PTPRZ1: variants seen among roughly 807,000 people sequenced by gnomAD.
The protein encoded by PTPRZ1 is protein tyrosine phosphatase receptor type Z1.
A neutral mutation model predicts 214.1 loss-of-function variants in PTPRZ1; 82 were observed. That is an observed-to-expected ratio of 0.38 (90% CI 0.32 to 0.46). PTPRZ1 has a LOEUF of 0.46. PTPRZ1 is among the 20% of genes least tolerant of loss of function. The pLI, the probability that PTPRZ1 is intolerant of heterozygous loss-of-function variation, is 1.00. For synonymous variants in PTPRZ1, 945 were observed against 987.9 expected, an observed-to-expected ratio of 0.96 and a Z score of 0.81; for missense variants, 2,603 against 2,748.7, an observed-to-expected ratio of 0.95 and a Z score of 1.19.
At position 121,998,511 on chromosome 7, in the gene PTPRZ1, T is replaced by C. The variant is rs1157671695; in HGVS notation, c.1240+505T>C. ...TTTGGTTATGGGGAGTGGGGTGTTTTCCTCTTGGTTGATTGCCCTTACTCT... is the reference window on the plus strand; with the variant it reads ...TTTGGTTATGGGGAGTGGGGTGTTTCCCTCTTGGTTGATTGCCCTTACTCT... On this transcript the variant is annotated intron_variant, in intron 10 of 29. Coordinates refer to ENST00000393386, the MANE Select transcript of PTPRZ1 (RefSeq NM_002851.3). Among the ~76,000 whole-genome samples, 3 of 152,256 alleles carry C rather than the reference T, an allele frequency of 2.0e-5. No homozygotes were observed. The East Asian group carries it at 5.8e-4, about 29-fold the overall frequency.
At chr7:121,939,404 A>G (rs1414342347) in intron 2 of PTPRZ1, among the ~76,000 whole-genome samples, 1 of 152,242 alleles carries the variant, frequency 6.6e-6, no homozygotes, top group Non-Finnish European at 1.5e-5. Context: ...TGTAGTTTCC[A>G]TTCTTTCATA....
Position 122,027,035 on chromosome 7 carries a change from ACAT to A in PTPRZ1, c.4989-1516_4989-1514del, listed in dbSNP as rs534795756. Among the ~76,000 whole-genome samples, 48 of 152,346 alleles carry A rather than the reference ACAT, an allele frequency of 3.2e-4. 1 individual carries two copies. The highest frequency in any genetic ancestry group is 1.1e-3 in the African/African-American group (46 of 41,588). ...TTATAAACATATAAAACAAATAAAA[ACAT>A]AATAGTATTTCAAATAGTGATGTGC... On this transcript the variant is annotated intron_variant, in intron 13 of 29. Coordinates refer to ENST00000393386, the MANE Select transcript of PTPRZ1 (RefSeq NM_002851.3).
At chr7:121,923,693 A>C (rs956063110) in intron 1 of PTPRZ1, among the ~76,000 whole-genome samples, 2 of 83,338 alleles carry the variant, frequency 2.4e-5, no homozygotes, top group African/African-American at 2.2e-4. Context: ...CCTGATTTTA[A>C]CTTGGTGGGG....
chr7:122,024,704 A>T (rs781337383), intron 13 of PTPRZ1, among the ~76,000 whole-genome samples: 33 of 152,152 alleles, frequency 2.2e-4, no homozygotes, highest in Non-Finnish European at 3.7e-4. Flanking sequence ...ACCAACAAAG[A>T]TTTGATTACA....
intron 23 of PTPRZ1, among the ~76,000 whole-genome samples, chr7:122,051,019 T>C (rs1185631846): frequency 6.6e-6 from 1 of 152,122 alleles, no homozygotes; most frequent in African/African-American, 2.4e-5. Context: ...ATTATTCATG[T>C]AATGGAGTAG....
intron 14 of PTPRZ1, among the ~76,000 whole-genome samples, chr7:122,031,156 G>A (rs1799358374): frequency 6.6e-6 from 1 of 152,010 alleles, no homozygotes; most frequent in Non-Finnish European, 1.5e-5. Context: ...GTTAAAGAAA[G>A]TTGTCCATCA....
At chr7:122,031,663 A>T in intron 15 of PTPRZ1, 104 bp downstream of exon 15, 1 of 712,904 alleles carries the variant, frequency 1.4e-6, no homozygotes, top group Non-Finnish European at 2.3e-6. Context: ...AACCATTTGC[A>T]CTTCTAGTAA....
At chr7:121,918,342 C>T (rs1245271435) in intron 1 of PTPRZ1, among the ~76,000 whole-genome samples, 11 of 152,296 alleles carry the variant, frequency 7.2e-5, no homozygotes, top group Non-Finnish European at 2.9e-5. Context: ...GGTTTACCCA[C>T]AAAATGCAGA....
At chr7:121,910,943 A>T (rs1206484) in intron 1 of PTPRZ1, among the ~76,000 whole-genome samples, 3,150 of 152,274 alleles carry the variant, frequency 0.021, 74 homozygotes, top group African/African-American at 0.051. Context: ...TGGAAAATAA[A>T]GTTAAATTAT....
intron 6 of PTPRZ1, among the ~76,000 whole-genome samples, chr7:121,979,232 C>A (rs773480537): frequency 1.3e-5 from 2 of 152,036 alleles, no homozygotes; most frequent in Admixed American, 1.3e-4. Flanking sequence ...TCCACCATAC[C>A]TACTCTATGT....
At position 122,012,463 on chromosome 7, in the gene PTPRZ1, G is replaced by T; in HGVS notation, c.3417G>T (p.Ser1139=). The change falls in exon 12 of 30, where the codon TCG becomes TCT. Residue 1139 remains serine, a synonymous_variant. Coordinates refer to ENST00000393386, the MANE Select transcript of PTPRZ1 (RefSeq NM_002851.3). ...HTVSQASGDT[S]LKPVLSANSE... is the part of the protein sequence containing the mutation. ...TCTCTCAAGCATCTGGTGACACTTC[G>T]CTTAAACCTGTGCTTAGTGCAAACT... is the stretch of plus-strand genomic sequence containing the variant. 6.2e-7 allele frequency: 1 copy of T among 1,613,610 alleles called. No individual in the cohort carries two copies. Among genetic ancestry groups the T allele is most frequent in the Non-Finnish European group, 8.5e-7 (1 of 1,179,696 alleles).
chr7:122,006,298 A>G (rs1798483664), intron 11 of PTPRZ1, among the ~76,000 whole-genome samples: 1 of 152,062 alleles, frequency 6.6e-6, no homozygotes. Context: ...TATTATTGCT[A>G]ACTGTAGTCA....
At chr7:121,890,833 C>T (rs1794575324) in intron 1 of PTPRZ1, among the ~76,000 whole-genome samples, 1 of 151,812 alleles carries the variant, frequency 6.6e-6, no homozygotes, top group South Asian at 2.1e-4. Flanking sequence ...CCATGCCTGG[C>T]TATTTTTTTT....
At chr7:122,008,679 C>T (rs1440741455) in intron 11 of PTPRZ1, among the ~76,000 whole-genome samples, 1 of 152,000 alleles carries the variant, frequency 6.6e-6, no homozygotes, top group South Asian at 2.1e-4. Context: ...GAAGGTTTGA[C>T]AGAGTTTTGG....
intron 13 of PTPRZ1, among the ~76,000 whole-genome samples, chr7:122,020,759 A>G (rs1303381949): frequency 1.3e-5 from 2 of 152,176 alleles, no homozygotes; most frequent in East Asian, 1.9e-4. Flanking sequence ...CTATTTTGTT[A>G]TAATAAGAAA....
chr7:121,901,388 T>C (rs1004519555), intron 1 of PTPRZ1, among the ~76,000 whole-genome samples: 2 of 152,160 alleles, frequency 1.3e-5, no homozygotes, highest in African/African-American at 4.8e-5. Flanking sequence ...AAAATGGCCT[T>C]AAAATCTTTT....
chr7:122,038,745 A>T lies in PTPRZ1; in HGVS notation c.5368-10A>T. 3 of 1,611,810 alleles carry T rather than the reference A, an allele frequency of 1.9e-6. No homozygotes were observed. Among genetic ancestry groups the T allele is most frequent in the Non-Finnish European group, 2.5e-6 (3 of 1,178,552 alleles). On this transcript the variant is annotated splice_polypyrimidine_tract_variant and intron_variant, in intron 18 of 29. Coordinates refer to ENST00000393386, the MANE Select transcript of PTPRZ1 (RefSeq NM_002851.3). ...AGTTAGTAGGAAACATTTGTCATTT[A>T]ATTCTTCAGGGCTACAACAGACCAA...
At chr7:121,954,382 A>T (rs1478543698) in intron 2 of PTPRZ1, among the ~76,000 whole-genome samples, 2 of 151,904 alleles carry the variant, frequency 1.3e-5, no homozygotes, top group Non-Finnish European at 2.9e-5. Context: ...AGCACATAGA[A>T]CCTCCTACTA....
chr7:121,877,490 A>G lies in PTPRZ1; in HGVS notation c.58+3933A>G, dbSNP rs143896031. Reference sequence around the variant, plus strand: ...TTAAGGCATAATTTACATTTTTACCATCTTGAAAGTTTTCACCGATGCATA... The same window carrying G: ...TTAAGGCATAATTTACATTTTTACCGTCTTGAAAGTTTTCACCGATGCATA... On this transcript the variant is annotated intron_variant, in intron 1 of 29. Coordinates refer to ENST00000393386, the MANE Select transcript of PTPRZ1 (RefSeq NM_002851.3). Among the ~76,000 whole-genome samples, 304 of 152,224 alleles carry G rather than the reference A, an allele frequency of 2.0e-3. 1 individual carries two copies. Among genetic ancestry groups the G allele is most frequent in the African/African-American group, 6.7e-3 (280 of 41,538 alleles).
Sources: allele counts gnomAD v4.1 joint callset (sites outside exome capture counted in the v4.1 genomes callset), GRCh38; gene constraint gnomAD v4.1.1; transcripts MANE v1.5; gene names NCBI Gene and HGNC (gene_info 2026-07-23, HGNC 2026-07-21).